Variants in DLG2 observed in about 807,000 individuals in gnomAD.
DLG2 encodes disks large homolog 2.
A neutral mutation model predicts 132.5 loss-of-function variants in DLG2; 45 were observed. That is an observed-to-expected ratio of 0.34 (90% CI 0.27 to 0.44). The LOEUF (loss-of-function observed/expected upper bound fraction) is 0.44, where lower values mean the gene tolerates loss of function less well. DLG2 is among the 20% of genes least tolerant of loss of function. DLG2 has a pLI of 1.00. For synonymous variants in DLG2, 424 were observed against 419.6 expected (o/e 1.01, Z -0.13); for missense variants, 1,045 against 1,196.9 (o/e 0.87, Z 1.87).
chr11:83,759,746 C>A (rs2153750989), intron 18 of DLG2, among the ~76,000 whole-genome samples: 1 of 152,216 alleles, frequency 6.6e-6, no homozygotes, highest in Non-Finnish European at 1.5e-5. Context: ...AAGATCTCTG[C>A]AGAAAAATTT....
intron 18 of DLG2, among the ~76,000 whole-genome samples, chr11:83,667,202 C>T (rs758502663): frequency 1.3e-5 from 2 of 151,882 alleles, no homozygotes; most frequent in Non-Finnish European, 2.9e-5. Flanking sequence ...TTTAGATAAC[C>T]TTTTCTTAGT....
chr11:84,701,902 G>T (rs1482587261), intron 6 of DLG2, among the ~76,000 whole-genome samples: 1 of 151,210 alleles, frequency 6.6e-6, no homozygotes, highest in Non-Finnish European at 1.5e-5. Flanking sequence ...ACTCAGCTGT[G>T]GTCTCTATGT....
intron 6 of DLG2, among the ~76,000 whole-genome samples, chr11:84,685,605 C>T (rs1362868346): frequency 6.6e-6 from 1 of 152,208 alleles, no homozygotes; most frequent in Admixed American, 6.5e-5. Flanking sequence ...TGCCAGAGGA[C>T]TATTCCAAAT....
At chr11:83,527,559 T>A (rs1361834125) in intron 21 of DLG2, among the ~76,000 whole-genome samples, 2 of 151,774 alleles carry the variant, frequency 1.3e-5, no homozygotes, top group East Asian at 3.9e-4. Flanking sequence ...ATTTTTTTTT[T>A]AAAAGAGAGG....
At chr11:84,227,041 G>C (rs181548590) in intron 8 of DLG2, among the ~76,000 whole-genome samples, 1 of 152,062 alleles carries the variant, frequency 6.6e-6, no homozygotes, top group Non-Finnish European at 1.5e-5. Flanking sequence ...AGCCGAGATC[G>C]TGCCACTACA....
intron 6 of DLG2, among the ~76,000 whole-genome samples, chr11:84,962,312 T>C (rs1465380912): frequency 1.3e-5 from 2 of 152,228 alleles, no homozygotes; most frequent in Non-Finnish European, 2.9e-5. Flanking sequence ...TCTATTGCCA[T>C]GAGCAAACTA....
At chr11:84,814,763 GC>G (rs2076930390) in intron 6 of DLG2, among the ~76,000 whole-genome samples, 1 of 152,058 alleles carries the variant, frequency 6.6e-6, no homozygotes, top group Non-Finnish European at 1.5e-5. Flanking sequence ...AGTTAAATAT[GC>G]CTTCTCTGTG....
chr11:85,395,600 AC>A (rs1303243281), intron 3 of DLG2, among the ~76,000 whole-genome samples: 2 of 152,034 alleles, frequency 1.3e-5, no homozygotes, highest in African/African-American at 2.4e-5. Context: ...ACCAGGAGAT[AC>A]CCTCCCATGC....
At chr11:83,819,958 TAAAC>T (rs61233538) in intron 17 of DLG2, among the ~76,000 whole-genome samples, 32,496 of 151,806 alleles carry the variant, frequency 0.21, 4,396 homozygotes, top group African/African-American at 0.39. Context: ...ATAATAATAA[TAAAC>T]AAAGTCACAA....
At chr11:83,975,765 T>C (rs2092115427) in intron 12 of DLG2, among the ~76,000 whole-genome samples, 1 of 152,002 alleles carries the variant, frequency 6.6e-6, no homozygotes, top group Admixed American at 6.6e-5. Flanking sequence ...GACATAGCTC[T>C]TTCAAACATA....
intron 6 of DLG2, among the ~76,000 whole-genome samples, chr11:85,096,345 A>G (rs2069766718): frequency 6.6e-6 from 1 of 152,138 alleles, no homozygotes; most frequent in Non-Finnish European, 1.5e-5. Flanking sequence ...ACTCACTGCA[A>G]GGGTCTGTGG....
At chr11:84,205,104 G>C (rs2096648576) in intron 8 of DLG2, among the ~76,000 whole-genome samples, 1 of 152,182 alleles carries the variant, frequency 6.6e-6, no homozygotes, top group Admixed American at 6.5e-5. Context: ...GTTATTAAAG[G>C]AGATGATGTA....
At chr11:84,914,954 G>T (rs1207798783) in intron 6 of DLG2, among the ~76,000 whole-genome samples, 1 of 152,146 alleles carries the variant, frequency 6.6e-6, no homozygotes, top group Admixed American at 6.5e-5. Flanking sequence ...AAGTGGGTAG[G>T]CTAAATCCCA....
chr11:84,470,132 T>C (rs946422794), intron 7 of DLG2, among the ~76,000 whole-genome samples: 5 of 151,802 alleles, frequency 3.3e-5, no homozygotes, highest in Non-Finnish European at 5.9e-5. Flanking sequence ...ATGTGATCAA[T>C]CATTGTTGAC....
intron 6 of DLG2, among the ~76,000 whole-genome samples, chr11:84,825,271 G>C (rs2078196897): frequency 1.3e-5 from 2 of 151,766 alleles, no homozygotes; most frequent in Non-Finnish European, 2.9e-5. Context: ...TACTGTATTT[G>C]TATTGGTACA....
At chr11:83,585,626 G>A (rs1292153322) in intron 19 of DLG2, among the ~76,000 whole-genome samples, 1 of 152,140 alleles carries the variant, frequency 6.6e-6, no homozygotes, top group Non-Finnish European at 1.5e-5. Context: ...ATTAACACAT[G>A]AACAACATTT....
chr11:84,589,933 G>A (rs1279228827), intron 6 of DLG2, among the ~76,000 whole-genome samples: 1 of 152,148 alleles, frequency 6.6e-6, no homozygotes, highest in Non-Finnish European at 1.5e-5. Context: ...ACATGTGCAA[G>A]GCAAATACTG....
At chr11:84,714,657 C>CTCTT (rs2060994925) in intron 6 of DLG2, among the ~76,000 whole-genome samples, 4 of 143,572 alleles carry the variant, frequency 2.8e-5, no homozygotes, top group African/African-American at 1.1e-4. Flanking sequence ...TTCTCTCTCT[C>CTCTT]TCTCTCTCTC....
chr11:84,318,491 C>T (rs1371337888), intron 7 of DLG2, among the ~76,000 whole-genome samples: 1 of 152,168 alleles, frequency 6.6e-6, no homozygotes, highest in Non-Finnish European at 1.5e-5. Flanking sequence ...TCTACCTTCT[C>T]AGTGGATTGA....
Sources: allele counts gnomAD v4.1 joint callset (sites outside exome capture counted in the v4.1 genomes callset), GRCh38; gene constraint gnomAD v4.1.1; transcripts MANE v1.5; gene names NCBI Gene and HGNC (gene_info 2026-07-23, HGNC 2026-07-21).